ADAMTS19: variants seen among roughly 807,000 people sequenced by gnomAD.
The protein encoded by ADAMTS19 is A disintegrin and metalloproteinase with thrombospondin motifs 19.
ADAMTS19 carries 93 observed loss-of-function variants against 153.3 expected under a neutral mutation model. The observed-to-expected ratio is 0.61, with a 90% confidence interval of 0.51 to 0.72. The LOEUF is 0.72. Ranked by LOEUF, ADAMTS19 falls within the 30% of genes least tolerant of loss-of-function variation. The probability of loss-of-function intolerance (pLI) is 0.00; values close to 1 mark genes in which losing one functional copy is unlikely to be tolerated. For synonymous variants in ADAMTS19, 600 were observed against 556.6 expected, an observed-to-expected ratio of 1.08 and a Z score of -1.10; for missense variants, 1,482 against 1,552.1, an observed-to-expected ratio of 0.95 and a Z score of 0.76.
chr5:129,662,887 C>CTTTTTTTTTTTT (rs545012539), intron 15 of ADAMTS19, among the ~76,000 whole-genome samples: 1 of 125,420 alleles, frequency 8.0e-6, no homozygotes, highest in African/African-American at 3.6e-5. Context: ...GATTCTTCTT[C>CTTTTTTTTTTTT]ATTTTTTTTT....
intron 8 of ADAMTS19, among the ~76,000 whole-genome samples, chr5:129,605,890 G>A (rs866610231): frequency 6.6e-6 from 1 of 152,108 alleles, no homozygotes; most frequent in Middle Eastern, 3.4e-3. Context: ...TATGAGTTAG[G>A]GGAAATTACT....
At chr5:129,695,837 T>C (rs914676650) in intron 19 of ADAMTS19, among the ~76,000 whole-genome samples, 2 of 152,152 alleles carry the variant, frequency 1.3e-5, no homozygotes, top group South Asian at 4.1e-4. Context: ...AGTTCTTAGG[T>C]AGTCAGAGCA....
intron 2 of ADAMTS19, among the ~76,000 whole-genome samples, chr5:129,465,368 G>C (rs1480085426): frequency 2.3e-5 from 3 of 130,444 alleles, no homozygotes; most frequent in Non-Finnish European, 4.6e-5. Context: ...AGCTATATTA[G>C]TATATACCTG....
chr5:129,521,206 G>A (rs1215626147), intron 3 of ADAMTS19, among the ~76,000 whole-genome samples: 1 of 151,944 alleles, frequency 6.6e-6, no homozygotes, highest in South Asian at 2.1e-4. Context: ...ATTTACTCTA[G>A]GTTTTAGTAA....
intron 7 of ADAMTS19, among the ~76,000 whole-genome samples, chr5:129,574,358 T>C (rs188599999): frequency 2.0e-5 from 3 of 152,102 alleles, no homozygotes; most frequent in East Asian, 1.9e-4. Flanking sequence ...GTGTGTTACA[T>C]AGGTATACAT....
intron 21 of ADAMTS19, 30 bp downstream of exon 21, chr5:129,704,421 T>A (rs758731583): frequency 2.5e-6 from 4 of 1,602,876 alleles, no homozygotes; most frequent in Non-Finnish European, 8.5e-7. Flanking sequence ...TTCTCAGTAA[T>A]AGGTTTCAAT....
intron 6 of ADAMTS19, among the ~76,000 whole-genome samples, chr5:129,534,709 A>G (rs1752349369): frequency 6.6e-6 from 1 of 152,222 alleles, no homozygotes; most frequent in Admixed American, 6.5e-5. Flanking sequence ...GCAGCACATC[A>G]AAAAGCTTAT....
chr5:129,715,249 T>TA (rs1194294991), intron 21 of ADAMTS19, among the ~76,000 whole-genome samples: 1 of 152,232 alleles, frequency 6.6e-6, no homozygotes. Context: ...CTGGAATTTT[T>TA]AAAAAATTCT....
intron 3 of ADAMTS19, among the ~76,000 whole-genome samples, chr5:129,521,358 T>C (rs1484165332): frequency 6.6e-6 from 1 of 152,144 alleles, no homozygotes; most frequent in Non-Finnish European, 1.5e-5. Context: ...TGAAGATTCA[T>C]TTCCATATTA....
At chr5:129,662,690 C>T (rs766334497) in intron 15 of ADAMTS19, among the ~76,000 whole-genome samples, 1 of 152,162 alleles carries the variant, frequency 6.6e-6, no homozygotes. Context: ...TTGCTGAACT[C>T]ATTTGCTCGG....
intron 2 of ADAMTS19, among the ~76,000 whole-genome samples, chr5:129,473,643 C>T (rs969262471): frequency 1.6e-4 from 25 of 152,022 alleles, no homozygotes; most frequent in African/African-American, 5.8e-4. Context: ...ATTTTGTTTG[C>T]TAACATGGAT....
At chr5:129,695,995 T>TG (rs1210938176) in intron 19 of ADAMTS19, among the ~76,000 whole-genome samples, 2 of 152,134 alleles carry the variant, frequency 1.3e-5, no homozygotes, top group Admixed American at 1.3e-4. Context: ...AGAGTAGGTA[T>TG]GGGGGAGGGA....
chr5:129,514,137 T>A (rs1470767334), intron 3 of ADAMTS19, among the ~76,000 whole-genome samples: 3 of 58,482 alleles, frequency 5.1e-5, no homozygotes, highest in Non-Finnish European at 6.0e-5. Context: ...TTTTTGTGGC[T>A]GAATAATATT....
In ADAMTS19 at chr5:129,522,332, CATATATATATAT is replaced by C. The variant is rs1209637522; in HGVS notation, c.914-3929_914-3918del. 2.3e-3 allele frequency among the ~76,000 whole-genome samples: 133 copies of C among 58,624 alleles called. 4 individuals carry two copies. In the South Asian group the frequency reaches 0.058, roughly 25 times the overall value. The allele number at this position is 58,624 out of a possible 152,430, so 38.5% of individuals were successfully genotyped here. ...ATATATATATACACACACACACACA[CATATATATATAT>C]ATATATATATATATATATATATGAT... On this transcript the variant is annotated intron_variant, in intron 3 of 22. Transcript: ENST00000274487.
At chr5:129,571,416 T>G (rs1753904206) in intron 7 of ADAMTS19, among the ~76,000 whole-genome samples, 1 of 151,658 alleles carries the variant, frequency 6.6e-6, no homozygotes, top group African/African-American at 2.4e-5. Flanking sequence ...TATATGTGTG[T>G]GTGTAATCAG....
rs1410989626 is a variant in ADAMTS19, at chr5:129,489,028, G to A, written c.748-20049G>A. Among the ~76,000 whole-genome samples, 4 of 152,168 alleles carry A rather than the reference G, an allele frequency of 2.6e-5. No individual in the cohort carries two copies. In the East Asian group the frequency reaches 7.7e-4, roughly 29 times the overall value. Reference sequence around the variant, plus strand: ...TGAAATCTTCCATCTTATCTTTTATGAGAATAAGAACAGTTGGCTCTTAGT... The same window carrying A: ...TGAAATCTTCCATCTTATCTTTTATAAGAATAAGAACAGTTGGCTCTTAGT... On this transcript the variant is annotated intron_variant, in intron 2 of 22. Coordinates refer to ENST00000274487, the MANE Select transcript of ADAMTS19 (RefSeq NM_133638.6).
chr5:129,677,208 G>T (rs191334008), intron 16 of ADAMTS19, among the ~76,000 whole-genome samples: 6 of 152,318 alleles, frequency 3.9e-5, no homozygotes, highest in Admixed American at 3.3e-4. Flanking sequence ...CAGCACAGTG[G>T]CTTACGCCTG....
At chr5:129,588,922 AGTT>A (rs893687049) in intron 7 of ADAMTS19, among the ~76,000 whole-genome samples, 54 of 151,520 alleles carry the variant, frequency 3.6e-4, no homozygotes, top group Non-Finnish European at 7.1e-4. Context: ...TTTTCTCTCC[AGTT>A]GTTTTCTTTT....
intron 7 of ADAMTS19, among the ~76,000 whole-genome samples, chr5:129,578,116 A>G (rs894277057): frequency 7.1e-6 from 1 of 141,288 alleles, no homozygotes; most frequent in Admixed American, 7.0e-5. Context: ...ATGCATGTAT[A>G]TGTACGTATA....
Sources: gnomAD v4.1 joint callset for allele counts (sites outside exome capture counted in the v4.1 genomes callset) on GRCh38, gnomAD v4.1.1 for gene constraint, MANE v1.5 for transcripts, NCBI Gene and HGNC (gene_info 2026-07-23, HGNC 2026-07-21) for gene names.